Variants in CLIC2 observed in about 807,000 individuals in gnomAD.
CLIC2 encodes CLIC family member 2, also known as chloride intracellular channel protein 2.
In CLIC2, 9 loss-of-function variants were observed where a neutral mutation model predicts 14.8. That is an observed-to-expected ratio of 0.61 (90% CI 0.37 to 1.06). The LOEUF (loss-of-function observed/expected upper bound fraction) is 1.06, where lower values mean the gene tolerates loss of function less well. Among genes scored for constraint, CLIC2 ranks in the 50% least tolerant of loss-of-function variants. The pLI is 0.01. For synonymous variants in CLIC2, 61 were observed against 66.3 expected (o/e 0.92, Z 0.39); for missense variants, 148 against 181.4 (o/e 0.82, Z 1.06).
At chrX:155,323,124 C>T (rs939154958) in intron 1 of CLIC2, among the ~76,000 whole-genome samples, 3 of 111,850 alleles carry the variant, frequency 2.7e-5, no homozygotes, top group African/African-American at 9.8e-5. Context: ...GGTACCATTC[C>T]TTCTGAAACT....
At chrX:155,291,873 A>T (rs1230483376) in intron 3 of CLIC2, among the ~76,000 whole-genome samples, 1 of 112,282 alleles carries the variant, frequency 8.9e-6, no homozygotes, top group Non-Finnish European at 1.9e-5. Flanking sequence ...TATTTAAAAA[A>T]ATGGGGTCGG....
intron 1 of CLIC2, among the ~76,000 whole-genome samples, chrX:155,324,963 G>A (rs184414783): frequency 3.1e-3 from 336 of 106,900 alleles, no homozygotes; most frequent in African/African-American, 0.01. Flanking sequence ...GGATATGAGC[G>A]TCTCAAAAGA....
intron 1 of CLIC2, among the ~76,000 whole-genome samples, chrX:155,299,702 A>G (rs1457704052): frequency 9.7e-6 from 1 of 102,795 alleles, no homozygotes; most frequent in Admixed American, 1.0e-4. Context: ...CATTAGGTAT[A>G]TCTCCTGATG....
At position 155,326,615 on chromosome X, in the gene CLIC2, A is replaced by G. The variant is rs1448289943; in HGVS notation, c.57+7756T>C. ...CAGAGAAATGAAAACTTATGTCCAT[A>G]AAGAAACCTGTAAAAGAGGATTTAT... On this transcript the variant is annotated intron_variant, in intron 1 of 5. Coordinates refer to ENST00000369449, the MANE Select transcript of CLIC2 (RefSeq NM_001289.6). Among the ~76,000 whole-genome samples, 19 of 112,056 alleles carry G rather than the reference A, an allele frequency of 1.7e-4. No homozygotes were observed. The Admixed American group carries it at 1.8e-3, about 11-fold the overall frequency.
At chrX:155,283,922 C>A (rs1297972829) in intron 3 of CLIC2, among the ~76,000 whole-genome samples, 1 of 111,749 alleles carries the variant, frequency 8.9e-6, no homozygotes, top group Non-Finnish European at 1.9e-5. Flanking sequence ...ATTGATTTTA[C>A]AGAGATTTTA....
In CLIC2 at chrX:155,334,439, C is replaced by T; in HGVS notation, c.-12G>A. 1 of 1,199,437 alleles carries T rather than the reference C, an allele frequency of 8.3e-7. No individual in the cohort carries two copies. Among genetic ancestry groups the T allele is most frequent in the Non-Finnish European group, 1.1e-6 (1 of 884,358 alleles). On this transcript the variant is annotated 5_prime_UTR_variant, in exon 1 of 6. Coordinates refer to ENST00000369449, the MANE Select transcript of CLIC2 (RefSeq NM_001289.6). ...CGCAGGCCTGACATCTTTGTCTTTA[C>T]TGCCAGTTGTCAGCCTCCTGCCTCC...
chrX:155,317,616 T>C (rs1464171947), intron 1 of CLIC2, among the ~76,000 whole-genome samples: 1 of 111,830 alleles, frequency 8.9e-6, no homozygotes. Flanking sequence ...GATTTACAGC[T>C]GCATTCTATC....
chrX:155,326,676 A>G (rs1274923071), intron 1 of CLIC2, among the ~76,000 whole-genome samples: 1 of 111,585 alleles, frequency 9.0e-6, no homozygotes, highest in Non-Finnish European at 1.9e-5. Flanking sequence ...ACTAGTGACA[A>G]CCAAAATGTC....
intron 1 of CLIC2, among the ~76,000 whole-genome samples, chrX:155,305,561 G>C (rs782042361): frequency 6.2e-5 from 7 of 112,505 alleles, no homozygotes; most frequent in East Asian, 2.8e-4. Context: ...GGGAGCTGTA[G>C]ACCGGAGCTG....
At chrX:155,327,438 A>G (rs887923577) in intron 1 of CLIC2, among the ~76,000 whole-genome samples, 6 of 111,450 alleles carry the variant, frequency 5.4e-5, no homozygotes, top group Non-Finnish European at 1.1e-4. Flanking sequence ...GATGATTTTT[A>G]TTGATTTTAT....
At chrX:155,314,731 C>T (rs1038227708) in intron 1 of CLIC2, among the ~76,000 whole-genome samples, 1 of 111,702 alleles carries the variant, frequency 9.0e-6, no homozygotes, top group African/African-American at 3.3e-5. Context: ...GATAAAATAC[C>T]TGAATTGCCA....
At position 155,277,999 on chromosome X, in the gene CLIC2, G is replaced by T; in HGVS notation, c.648C>A (p.Leu216=). The T allele has an allele frequency of 8.3e-7, 1 of 1,206,504 alleles. No homozygotes were observed. ...ATTCTTCACGGGCATAGGCATTGTGGAGATAACGCCAGACTCCTGAGAATT... is the reference window on the plus strand; with the variant it reads ...ATTCTTCACGGGCATAGGCATTGTGTAGATAACGCCAGACTCCTGAGAATT... ...PAEFSGVWRY[L]HNAYAREEFT... is the part of the protein sequence containing the mutation. Residue 216 remains leucine (L), a synonymous_variant, in exon 6 of 6, where the codon CTC becomes CTA. Transcript: ENST00000369449.
At chrX:155,301,393 G>A (rs1463344358) in intron 1 of CLIC2, among the ~76,000 whole-genome samples, 1 of 110,881 alleles carries the variant, frequency 9.0e-6, no homozygotes, top group African/African-American at 3.3e-5. Context: ...TGTTGTTGGT[G>A]TATAAGAATG....
intron 1 of CLIC2, chrX:155,309,598 C>G (rs190674707): frequency 1.4e-5 from 4 of 276,201 alleles, no homozygotes; most frequent in Admixed American, 1.3e-4. Flanking sequence ...GAAGGCCTCA[C>G]AATCATGGAA....
intron 1 of CLIC2, among the ~76,000 whole-genome samples, chrX:155,304,608 G>A (rs1366299678): frequency 4.9e-5 from 5 of 103,009 alleles, no homozygotes; most frequent in South Asian, 4.8e-4. Flanking sequence ...ATCCAGCTTT[G>A]TTCTGTTGCT....
chrX:155,316,719 T>C (rs1557321121), intron 1 of CLIC2, among the ~76,000 whole-genome samples: 2 of 110,436 alleles, frequency 1.8e-5, no homozygotes, highest in African/African-American at 6.6e-5. Context: ...GGTCCCACAA[T>C]AGGCTGTCTG....
intron 1 of CLIC2, among the ~76,000 whole-genome samples, chrX:155,322,072 A>T (rs1274671461): frequency 1.8e-5 from 2 of 111,376 alleles, no homozygotes; most frequent in Non-Finnish European, 3.8e-5. Flanking sequence ...AAGTTCTTAG[A>T]GACCTACAAA....
chrX:155,300,565 G>A (rs2075012988), intron 1 of CLIC2, among the ~76,000 whole-genome samples: 1 of 111,317 alleles, frequency 9.0e-6, no homozygotes, highest in Non-Finnish European at 1.9e-5. Context: ...TTGCTGTGCA[G>A]AAGCTCTTTA....
intron 1 of CLIC2, among the ~76,000 whole-genome samples, chrX:155,322,315 C>T (rs2075118639): frequency 8.9e-6 from 1 of 111,764 alleles, no homozygotes; most frequent in Admixed American, 9.5e-5. Flanking sequence ...AAGTAAAACA[C>T]TCCTCAGCAA....
Sources: allele counts gnomAD v4.1 joint callset (sites outside exome capture counted in the v4.1 genomes callset), GRCh38; gene constraint gnomAD v4.1.1; transcripts MANE v1.5; gene names NCBI Gene and HGNC (gene_info 2026-07-23, HGNC 2026-07-21).